CWC27: variants seen among roughly 807,000 people sequenced by gnomAD.
CWC27 encodes CWC27 spliceosome associated cyclophilin.
Under a neutral mutation model 63.6 loss-of-function variants are expected in CWC27, and 47 were observed. The observed-to-expected ratio is 0.74, with a 90% CI of 0.58 to 0.94. CWC27 has a LOEUF of 0.94. Among genes scored for constraint, CWC27 ranks in the 40% least tolerant of loss-of-function variants. The pLI is 0.00. For synonymous variants in CWC27, 175 were observed against 179.8 expected, an observed-to-expected ratio of 0.97 and a Z score of 0.22; for missense variants, 495 against 554.3, an observed-to-expected ratio of 0.89 and a Z score of 1.07.
At chr5:64,969,835 C>A (rs1034381982) in intron 11 of CWC27, among the ~76,000 whole-genome samples, 1 of 152,096 alleles carries the variant, frequency 6.6e-6, no homozygotes, top group African/African-American at 2.4e-5. Flanking sequence ...AAAAGGCTCA[C>A]TGAAGTGCCA....
At chr5:64,907,763 C>CA (rs1747685638) in intron 11 of CWC27, among the ~76,000 whole-genome samples, 1 of 152,126 alleles carries the variant, frequency 6.6e-6, no homozygotes, top group South Asian at 2.1e-4. Context: ...GGAATGCTTC[C>CA]AGTTTTTGCC....
At position 64,981,021 on chromosome 5, in the gene CWC27, G is replaced by T. The variant is rs189148385; in HGVS notation, c.1256+3783G>T. Among the ~76,000 whole-genome samples the T allele has an allele frequency of 4.1e-3, 617 of 152,246 alleles. 2 individuals are homozygous for T. Among genetic ancestry groups the T allele is most frequent in the African/African-American group, 0.014 (576 of 41,550 alleles). On this transcript the variant is annotated intron_variant, in intron 13 of 13. Coordinates refer to ENST00000381070, the MANE Select transcript of CWC27 (RefSeq NM_005869.4). ...GCACGAGAATCGCTTGAACCTGAAA[G>T]GTGGAGGTTGCAGTGAGCCGAGCTC...
intron 11 of CWC27, among the ~76,000 whole-genome samples, chr5:64,950,525 A>T (rs1320583345): frequency 6.6e-6 from 1 of 152,008 alleles, no homozygotes; most frequent in African/African-American, 2.4e-5. Context: ...CGGATTTCAG[A>T]GGAATAAGAG....
chr5:65,012,677 T>C (rs1386796254), intron 13 of CWC27, among the ~76,000 whole-genome samples: 2 of 152,176 alleles, frequency 1.3e-5, no homozygotes, highest in Non-Finnish European at 1.5e-5. Context: ...CAGAAATAAA[T>C]AATGCACTTG....
intron 10 of CWC27, among the ~76,000 whole-genome samples, chr5:64,838,579 A>G (rs1237495164): frequency 2.6e-5 from 4 of 152,186 alleles, no homozygotes; most frequent in Non-Finnish European, 5.9e-5. Flanking sequence ...TATAATTACC[A>G]GAGTTTCCTG....
chr5:64,861,844 A>G (rs934649309), intron 10 of CWC27, among the ~76,000 whole-genome samples: 2 of 152,176 alleles, frequency 1.3e-5, no homozygotes, highest in Non-Finnish European at 2.9e-5. Context: ...TTACTAAACT[A>G]TCATTCTCAT....
chr5:64,808,243 G>A, intron 10 of CWC27: 5 of 998,796 alleles, frequency 5.0e-6, no homozygotes, highest in Non-Finnish European at 4.8e-6. Flanking sequence ...AAGCAGTCCT[G>A]TAGAATATTA....
At chr5:64,978,806 G>A (rs569638552) in intron 13 of CWC27, among the ~76,000 whole-genome samples, 2 of 152,212 alleles carry the variant, frequency 1.3e-5, no homozygotes, top group African/African-American at 4.8e-5. Flanking sequence ...ATGGTGTTTT[G>A]TAAGAGCAGT....
At chr5:64,903,274 C>T (rs1747547728) in intron 11 of CWC27, among the ~76,000 whole-genome samples, 1 of 152,114 alleles carries the variant, frequency 6.6e-6, no homozygotes, top group East Asian at 1.9e-4. Context: ...TGCAACCAAC[C>T]CAAATGCCCA....
chr5:64,916,874 CAGTAGTAGTATT>C (rs1747896844), intron 11 of CWC27, among the ~76,000 whole-genome samples: 1 of 139,214 alleles, frequency 7.2e-6, no homozygotes, highest in Non-Finnish European at 1.5e-5. Context: ...CTTTTGGTGG[CAGTAGTAGTATT>C]AGTAGTAGTA....
At chr5:64,775,497 C>T (rs1743409839) in intron 2 of CWC27, among the ~76,000 whole-genome samples, 1 of 152,086 alleles carries the variant, frequency 6.6e-6, no homozygotes, top group Non-Finnish European at 1.5e-5. Flanking sequence ...TTTCCGTTTC[C>T]ACTTTCATAC....
intron 11 of CWC27, among the ~76,000 whole-genome samples, chr5:64,915,520 A>G (rs964441378): frequency 6.6e-6 from 1 of 152,142 alleles, no homozygotes; most frequent in Non-Finnish European, 1.5e-5. Flanking sequence ...TCTCTGTTAC[A>G]TTTCAGCAAT....
chr5:64,886,856 G>A lies in CWC27; in HGVS notation c.1042+1310G>A, dbSNP rs1747082228. Among the ~76,000 whole-genome samples, 3 of 152,176 alleles carry A rather than the reference G, an allele frequency of 2.0e-5. No individual in the cohort carries two copies. In the South Asian group the frequency reaches 6.2e-4, roughly 32 times the overall value. ...ATAAACTTATTTGTGACTAGATCAT[G>A]AAGGCAAAATGTAACCCAGAATAGA... is the stretch of plus-strand genomic sequence containing the variant. On this transcript the variant is annotated intron_variant, in intron 11 of 13. Transcript: ENST00000381070.
chr5:64,791,477 C>T (rs752771907), intron 7 of CWC27, among the ~76,000 whole-genome samples: 2 of 151,364 alleles, frequency 1.3e-5, no homozygotes, highest in African/African-American at 2.4e-5. Flanking sequence ...TTTCTTAAAC[C>T]TGAAAAACAC....
chr5:64,828,461 G>A (rs925937513), intron 10 of CWC27, among the ~76,000 whole-genome samples: 6 of 152,032 alleles, frequency 3.9e-5, no homozygotes, highest in East Asian at 1.9e-4. Context: ...TGGAGGCTGG[G>A]AAGTCCAAGA....
Position 64,801,308 on chromosome 5 carries a change from A to G in CWC27, c.756A>G (p.Lys252=). The part of the protein sequence containing the change: ...LSSVPVVESE[K]GDAPDLVDDG... ...TTGCTTATTTTTTTTATAGTGAAAAAGGTGATGCACCAGATTTAGTTGATG... is the reference window on the plus strand; with the variant it reads ...TTGCTTATTTTTTTTATAGTGAAAAGGGTGATGCACCAGATTTAGTTGATG... Residue 252 remains lysine, a synonymous_variant, in exon 9 of 14, where the codon AAA becomes AAG. Transcript: ENST00000381070. 7.1e-7 allele frequency: 1 copy of G among 1,413,482 alleles called. No individual in the cohort carries two copies. Among genetic ancestry groups the G allele is most frequent in the South Asian group, 1.3e-5 (1 of 76,150 alleles). 87.6% of individuals were successfully genotyped at this position (1,413,482 alleles called of 1,614,324 possible).
At chr5:64,797,028 T>C (rs1744302092) in intron 7 of CWC27, among the ~76,000 whole-genome samples, 2 of 150,680 alleles carry the variant, frequency 1.3e-5, no homozygotes, top group South Asian at 4.2e-4. Flanking sequence ...TGCCTCTTTG[T>C]TCTTGGATAT....
chr5:64,966,969 T>C (rs562058632), intron 11 of CWC27, among the ~76,000 whole-genome samples: 2 of 152,260 alleles, frequency 1.3e-5, no homozygotes, highest in African/African-American at 4.8e-5. Flanking sequence ...TGAGTCTTGA[T>C]GTGAGAATTA....
At chr5:64,934,189 G>A (rs559382808) in intron 11 of CWC27, among the ~76,000 whole-genome samples, 5 of 152,220 alleles carry the variant, frequency 3.3e-5, no homozygotes, top group African/African-American at 7.2e-5. Context: ...TGCCACCATC[G>A]TTTGCTGCAC....
Sources: gnomAD v4.1 joint callset for allele counts (sites outside exome capture counted in the v4.1 genomes callset) on GRCh38, gnomAD v4.1.1 for gene constraint, MANE v1.5 for transcripts, NCBI Gene and HGNC (gene_info 2026-07-23, HGNC 2026-07-21) for gene names.